Variants in EDIL3 observed in about 807,000 individuals in gnomAD.
The protein encoded by EDIL3 is EGF like and discoidin domains 3.
EDIL3 carries 37 observed loss-of-function variants against 67.4 expected under a neutral mutation model. That is an observed-to-expected ratio of 0.55 (90% CI 0.42 to 0.72). The LOEUF is 0.72. Ranked by LOEUF, EDIL3 falls within the 30% of genes least tolerant of loss-of-function variation. The pLI is 0.00. For missense variants in EDIL3, 527 were observed against 586.3 expected (o/e 0.90, Z 1.04); for synonymous variants, 195 against 196.3 (o/e 0.99, Z 0.05).
At chr5:84,357,190 G>A (rs1001915264) in intron 1 of EDIL3, among the ~76,000 whole-genome samples, 1 of 152,012 alleles carries the variant, frequency 6.6e-6, no homozygotes, top group Admixed American at 6.6e-5. Flanking sequence ...TTCCCAAAAT[G>A]TTTGGATTAC....
rs536998438 is a variant in EDIL3 at position 84,218,803 on chromosome 5, G to A, written c.226+11052C>T. ...TACTCACTGTGAGCCTGGGGCAGTG[G>A]TGGCCATGGGGAGAGAGTCCACTGG... On this transcript the variant is annotated intron_variant, in intron 3 of 10. Transcript: ENST00000296591. Among the ~76,000 whole-genome samples, 12 of 152,278 alleles carry A rather than the reference G, an allele frequency of 7.9e-5. No individual in the cohort carries two copies. In the South Asian group the frequency reaches 2.3e-3, roughly 29 times the overall value.
At chr5:84,079,015 G>A (rs944766040) in intron 6 of EDIL3, among the ~76,000 whole-genome samples, 5 of 152,108 alleles carry the variant, frequency 3.3e-5, no homozygotes, top group African/African-American at 9.7e-5. Flanking sequence ...ACTGAAGGTT[G>A]AGTTCACCAT....
At chr5:84,206,043 G>A (rs1430929214) in intron 3 of EDIL3, among the ~76,000 whole-genome samples, 2 of 151,168 alleles carry the variant, frequency 1.3e-5, no homozygotes, top group Non-Finnish European at 2.9e-5. Flanking sequence ...TTCTCTTGTG[G>A]GCATTTAGTG....
chr5:84,092,728 TATA>T (rs1257990569), intron 6 of EDIL3, among the ~76,000 whole-genome samples: 2 of 152,118 alleles, frequency 1.3e-5, no homozygotes, highest in Admixed American at 1.3e-4. Context: ...ATGGTGTGAT[TATA>T]ATAATACATT....
intron 2 of EDIL3, among the ~76,000 whole-genome samples, chr5:84,236,482 C>T (rs1744684912): frequency 6.6e-6 from 1 of 152,152 alleles, no homozygotes; most frequent in African/African-American, 2.4e-5. Flanking sequence ...AAACCCAAAC[C>T]ATCCTTGTCG....
intron 10 of EDIL3, among the ~76,000 whole-genome samples, chr5:83,962,683 G>T (rs989320240): frequency 5.3e-5 from 8 of 151,406 alleles, no homozygotes; most frequent in Middle Eastern, 6.4e-3. Flanking sequence ...AAACATCTGA[G>T]TTTTTTGTTG....
chr5:84,310,291 T>C (rs2112141476), intron 1 of EDIL3, among the ~76,000 whole-genome samples: 1 of 152,344 alleles, frequency 6.6e-6, no homozygotes, highest in East Asian at 1.9e-4. Flanking sequence ...TTCAGATTAA[T>C]GAAGGTAATT....
intron 1 of EDIL3, among the ~76,000 whole-genome samples, chr5:84,255,573 A>G (rs1319082692): frequency 6.6e-6 from 1 of 152,172 alleles, no homozygotes; most frequent in Non-Finnish European, 1.5e-5. Flanking sequence ...TTCAAAATAA[A>G]AAAGCATCTG....
intron 6 of EDIL3, among the ~76,000 whole-genome samples, chr5:84,069,556 G>C (rs1363445992): frequency 1.3e-5 from 2 of 151,644 alleles, no homozygotes; most frequent in Non-Finnish European, 2.9e-5. Flanking sequence ...TTAAGTTTTT[G>C]GTTTTTTTTT....
intron 1 of EDIL3, among the ~76,000 whole-genome samples, chr5:84,343,610 A>G (rs1271273910): frequency 6.6e-6 from 1 of 152,126 alleles, no homozygotes; most frequent in Admixed American, 6.6e-5. Flanking sequence ...TTACCCTGGT[A>G]CATGAGAAAG....
chr5:84,065,559 A>ATT (rs58046844), intron 7 of EDIL3, among the ~76,000 whole-genome samples: 57,753 of 151,630 alleles, frequency 0.38, 12,531 homozygotes, highest in African/African-American at 0.61. Context: ...ATAATGCCTG[A>ATT]TTAAATGGAA....
chr5:83,984,953 A>C (rs1580265444), intron 9 of EDIL3, among the ~76,000 whole-genome samples: 1 of 2,318 alleles, frequency 4.3e-4, no homozygotes, highest in South Asian at 0.013. Context: ...AACATACACC[A>C]CACACACACA....
intron 9 of EDIL3, among the ~76,000 whole-genome samples, chr5:84,045,407 A>G (rs1236929957): frequency 6.6e-6 from 1 of 152,198 alleles, no homozygotes; most frequent in Non-Finnish European, 1.5e-5. Context: ...AAATGGCAAG[A>G]GCAGCATAAA....
intron 8 of EDIL3, among the ~76,000 whole-genome samples, chr5:84,063,666 G>A (rs192359496): frequency 5.3e-5 from 8 of 152,124 alleles, no homozygotes; most frequent in Admixed American, 2.0e-4. Flanking sequence ...TAAAGTATGC[G>A]CTTTAACCTA....
chr5:83,946,004 A>C lies in EDIL3; in HGVS notation c.1294-2436T>G, dbSNP rs563720239. ...CATGTGGCACATGTGCTGTTTTCTTATCTCAAGCACTAGGAAGCCCCTGCT... is the reference window on the plus strand; with the variant it reads ...CATGTGGCACATGTGCTGTTTTCTTCTCTCAAGCACTAGGAAGCCCCTGCT... On this transcript the variant is annotated intron_variant, in intron 10 of 10. Transcript: ENST00000296591. 1.6e-4 allele frequency among the ~76,000 whole-genome samples: 24 copies of C among 152,110 alleles called. 1 individual carries two copies. The highest frequency in any genetic ancestry group is 3.9e-4 in the African/African-American group (16 of 41,550).
At chr5:84,366,121 T>TA (rs1391315910) in intron 1 of EDIL3, among the ~76,000 whole-genome samples, 27 of 151,816 alleles carry the variant, frequency 1.8e-4, no homozygotes, top group East Asian at 7.7e-4. Context: ...TGCCAAAAAG[T>TA]AAAAAAATAT....
chr5:84,321,147 G>A (rs1307878415), intron 1 of EDIL3, among the ~76,000 whole-genome samples: 1 of 152,042 alleles, frequency 6.6e-6, no homozygotes, highest in African/African-American at 2.4e-5. Flanking sequence ...ATTCCTTTGT[G>A]CAGAATTTCC....
chr5:84,166,204 A>G (rs928345610), intron 4 of EDIL3, among the ~76,000 whole-genome samples: 1 of 152,200 alleles, frequency 6.6e-6, no homozygotes, highest in African/African-American at 2.4e-5. Context: ...CAATCTGACA[A>G]TCTCCAAAAG....
intron 10 of EDIL3, among the ~76,000 whole-genome samples, chr5:83,959,178 CCTG>C (rs1473640557): frequency 2.0e-5 from 3 of 148,206 alleles, no homozygotes; most frequent in East Asian, 2.0e-4. Flanking sequence ...TTTAAATACT[CCTG>C]TGTGTGTGTG....
Sources: gnomAD v4.1 joint callset for allele counts (sites outside exome capture counted in the v4.1 genomes callset) on GRCh38, gnomAD v4.1.1 for gene constraint, MANE v1.5 for transcripts, NCBI Gene and HGNC (gene_info 2026-07-23, HGNC 2026-07-21) for gene names.